Variants in CAPS2 observed in about 807,000 individuals in gnomAD.
CAPS2 encodes calcyphosin-2.
A neutral mutation model predicts 86.5 loss-of-function variants in CAPS2; 98 were observed. The observed-to-expected ratio is 1.13, with a 90% confidence interval of 0.96 to 1.34. CAPS2 has a LOEUF of 1.34. Ranked by LOEUF, CAPS2 falls within the 40% of genes most tolerant of loss-of-function variation. The probability of loss-of-function intolerance (pLI) is 0.00; values close to 1 mark genes in which losing one functional copy is unlikely to be tolerated. For missense variants in CAPS2, 729 were observed against 686.8 expected, an observed-to-expected ratio of 1.06 and a Z score of -0.69; for synonymous variants, 210 against 225.1, an observed-to-expected ratio of 0.93 and a Z score of 0.60.
At chr12:75,302,659 T>A (rs963877759) in intron 8 of CAPS2, among the ~76,000 whole-genome samples, 13 of 152,316 alleles carry the variant, frequency 8.5e-5, no homozygotes, top group Non-Finnish European at 1.9e-4. Flanking sequence ...TGAAAAAGGA[T>A]TCATTTCTAA....
intron 7 of CAPS2, among the ~76,000 whole-genome samples, chr12:75,306,947 A>G (rs924615300): frequency 3.9e-5 from 6 of 152,060 alleles, no homozygotes; most frequent in Non-Finnish European, 1.5e-5. Context: ...AAAAAAATTG[A>G]CTACAAGTTA....
upstream of CAPS2, among the ~76,000 whole-genome samples, chr12:75,333,401 T>C (rs1010575356): frequency 2.6e-5 from 4 of 152,198 alleles, no homozygotes; most frequent in Non-Finnish European, 1.5e-5. Context: ...TGTAGATGTA[T>C]ATAACTGTAT....
chr12:75,326,511 G>A, upstream of CAPS2: 1 of 1,507,732 alleles, frequency 6.6e-7, no homozygotes, highest in South Asian at 1.2e-5. Context: ...GAGTTCCTGT[G>A]TTTATCATGC....
At chr12:75,330,334 C>T (rs1484957074), upstream of CAPS2, among the ~76,000 whole-genome samples, 1 of 152,234 alleles carries the variant, frequency 6.6e-6, no homozygotes, top group South Asian at 2.1e-4. Context: ...CTCCGCGGCG[C>T]CCCTAAACCC....
intron 7 of CAPS2, among the ~76,000 whole-genome samples, chr12:75,310,279 T>C (rs2138765764): frequency 6.6e-6 from 1 of 152,328 alleles, no homozygotes; most frequent in Non-Finnish European, 1.5e-5. Flanking sequence ...CATAAATTTA[T>C]TTATGGTCAA....
chr12:75,374,485 A>G (rs1593900483), intron 1 of CAPS2, among the ~76,000 whole-genome samples: 1 of 152,202 alleles, frequency 6.6e-6, no homozygotes, highest in Non-Finnish European at 1.5e-5. Context: ...TCACTGAAGT[A>G]GAAGGTCCCT....
chr12:75,350,570 G>T (rs1296185007), intron 1 of CAPS2, among the ~76,000 whole-genome samples: 1 of 152,130 alleles, frequency 6.6e-6, no homozygotes, highest in Non-Finnish European at 1.5e-5. Flanking sequence ...GGTGAACAGG[G>T]TCTGGAGTAG....
chr12:75,371,472 T>C, intron 1 of CAPS2: 1 of 359,250 alleles, frequency 2.8e-6, no homozygotes, highest in Non-Finnish European at 5.7e-6. Context: ...CCAGGAACAA[T>C]ACTTTGCATC....
rs34705874 is a variant in CAPS2, at chr12:75,381,614, GTTTTTTTT to G, written c.-395+9216_-395+9223del. On this transcript the variant is annotated intron_variant, in intron 1 of 5. Transcript: ENST00000551829. ...GCTGCTGTTATTCATTTTCTTAAGTGTTTTTTTTTTTTTTTTTTTGAGACAGAGTCTCG... is the reference window on the plus strand; with the variant it reads ...GCTGCTGTTATTCATTTTCTTAAGTGTTTTTTTTTTTGAGACAGAGTCTCG... 6.8e-5 allele frequency among the ~76,000 whole-genome samples: 6 copies of G among 87,914 alleles called. No individual in the cohort carries two copies. In the South Asian group the frequency reaches 2.5e-3, roughly 37 times the overall value. The allele number at this position is 87,914 out of a possible 152,430, so 57.7% of individuals were successfully genotyped here.
At chr12:75,340,207 T>A (rs962717224) in intron 1 of CAPS2, among the ~76,000 whole-genome samples, 1 of 151,214 alleles carries the variant, frequency 6.6e-6, no homozygotes, top group African/African-American at 2.4e-5. Flanking sequence ...TATTGGTTGA[T>A]GGGCATTTAG....
chr12:75,328,331 T>A (rs118106538), upstream of CAPS2, among the ~76,000 whole-genome samples: 789 of 152,308 alleles, frequency 5.2e-3, 7 homozygotes, highest in Admixed American at 0.015. Flanking sequence ...CTAGTAACAT[T>A]TATAGCTATT....
At chr12:75,334,991 T>C, upstream of CAPS2, 1 of 1,282,876 alleles carries the variant, frequency 7.8e-7, no homozygotes, top group Non-Finnish European at 1.1e-6. Flanking sequence ...CTTGTACTAA[T>C]TCAATCCGGA....
chr12:75,305,053 C>A, intron 7 of CAPS2, 177 bp from the exon 8 acceptor site: 1 of 461,536 alleles, frequency 2.2e-6, no homozygotes, highest in Non-Finnish European at 3.5e-6. Flanking sequence ...GTAAATATTC[C>A]TATCTCTTTT....
At chr12:75,343,994 A>G in intron 1 of CAPS2, 1 of 1,411,790 alleles carries the variant, frequency 7.1e-7, no homozygotes, top group Non-Finnish European at 9.7e-7. Context: ...TTTAATTGCC[A>G]GAATTTATTT....
rs35360428 is a variant in CAPS2 at position 75,354,166 on chromosome 12, A to AGGG, written c.-394-30947_-394-30945dup. Among the ~76,000 whole-genome samples the AGGG allele has an allele frequency of 2.4e-3, 300 of 122,896 alleles. 4 individuals carry two copies. The highest frequency in any genetic ancestry group is 8.6e-3 in the African/African-American group (258 of 29,906). 80.6% of individuals were successfully genotyped at this position (122,896 alleles called of 152,430 possible). A position where few individuals can be genotyped will look rare whatever the true frequency, so the allele number is the denominator to read the frequency against. On this transcript the variant is annotated intron_variant, in intron 1 of 5. Coordinates refer to the CAPS2 transcript ENST00000551829. ...AGAGCAATCAGGGAAGAGAAAAAAA[A>AGGG]GGGGGGGGGGTATTCAAATAGGAAA...
At chr12:75,316,513 C>G (rs1298495982) in intron 5 of CAPS2, 79 bp from the exon 6 acceptor site, 2 of 1,250,332 alleles carry the variant, frequency 1.6e-6, no homozygotes, top group Non-Finnish European at 2.1e-6. Context: ...GAATAGATAA[C>G]TACGGAATAT....
chr12:75,300,230 C>T (rs1054426347), intron 8 of CAPS2, among the ~76,000 whole-genome samples: 8 of 151,970 alleles, frequency 5.3e-5, no homozygotes, highest in African/African-American at 1.9e-4. Context: ...CATTTCTAAC[C>T]CTCTTCTTCT....
intron 1 of CAPS2, among the ~76,000 whole-genome samples, chr12:75,385,103 A>T (rs1037692168): frequency 6.6e-6 from 1 of 152,200 alleles, no homozygotes; most frequent in African/African-American, 2.4e-5. Flanking sequence ...GATGCCCTGC[A>T]CTGCTTCAGG....
At chr12:75,380,109 A>C (rs1811986058) in intron 1 of CAPS2, among the ~76,000 whole-genome samples, 1 of 152,158 alleles carries the variant, frequency 6.6e-6, no homozygotes, top group Non-Finnish European at 1.5e-5. Flanking sequence ...AGGTAAAATA[A>C]ATTTAAAAAT....
Sources: allele counts gnomAD v4.1 joint callset (sites outside exome capture counted in the v4.1 genomes callset), GRCh38; gene constraint gnomAD v4.1.1; transcripts MANE v1.5; gene names NCBI Gene and HGNC (gene_info 2026-07-23, HGNC 2026-07-21).